The following ANKRD31 variants were observed in gnomAD, a reference collection of about 807,000 sequenced individuals.
ANKRD31 encodes ankyrin repeat domain 31.
ANKRD31 carries 147 observed loss-of-function variants against 186.0 expected under a neutral mutation model. The observed-to-expected ratio is 0.79, with a 90% confidence interval of 0.69 to 0.91. The LOEUF (loss-of-function observed/expected upper bound fraction) is 0.91, where lower values mean the gene tolerates loss of function less well. Among genes scored for constraint, ANKRD31 ranks in the 40% least tolerant of loss-of-function variants. The probability of loss-of-function intolerance (pLI) is 0.00; values close to 1 mark genes in which losing one functional copy is unlikely to be tolerated. For synonymous variants in ANKRD31, 673 were observed against 736.4 expected, an observed-to-expected ratio of 0.91 and a Z score of 1.39; for missense variants, 1,986 against 2,148.8, an observed-to-expected ratio of 0.92 and a Z score of 1.50.
At position 75,138,047 on chromosome 5, in the gene ANKRD31, A is replaced by C. The variant is rs143056868; in HGVS notation, c.3734-49T>G. 4 of 1,391,056 alleles carry C rather than the reference A, an allele frequency of 2.9e-6. No individual in the cohort carries two copies. The Admixed American group carries it at 9.2e-5, about 32-fold the overall frequency. The allele number at this position is 1,391,056 out of a possible 1,614,324, so 86.2% of individuals were successfully genotyped here. On this transcript the variant is annotated intron_variant, in intron 16 of 25. Transcript: ENST00000506364. ...AAAACCCTGCTTCATGCGAATCAAT[A>C]CTCATGTAATATCTGTATTACTAAG... is the stretch of plus-strand genomic sequence containing the variant.
intron 7 of ANKRD31, 61 bp from the exon 8 acceptor site, chr5:75,193,652 A>G: frequency 1.4e-6 from 2 of 1,444,722 alleles, no homozygotes; most frequent in Admixed American, 2.5e-5. Flanking sequence ...TAAAACTATA[A>G]GAAGTTAAAT....
At chr5:75,105,854 C>T (rs969886049) in intron 21 of ANKRD31, among the ~76,000 whole-genome samples, 2 of 152,160 alleles carry the variant, frequency 1.3e-5, no homozygotes, top group African/African-American at 2.4e-5. Flanking sequence ...CTTCCCCAAA[C>T]TGAATTTCTC....
At chr5:75,225,839 G>A (rs1310719193) in intron 2 of ANKRD31, among the ~76,000 whole-genome samples, 3 of 152,178 alleles carry the variant, frequency 2.0e-5, no homozygotes, top group Non-Finnish European at 4.4e-5. Context: ...GCCACAATGG[G>A]TAGAGCACCA....
chr5:75,234,870 A>T (rs1470534457), intron 1 of ANKRD31, among the ~76,000 whole-genome samples: 1 of 151,606 alleles, frequency 6.6e-6, no homozygotes, highest in East Asian at 1.9e-4. Flanking sequence ...TTCATATGGA[A>T]TTTTTTTGGA....
chr5:75,192,730 G>C lies in ANKRD31; in HGVS notation c.1345C>G (p.His449Asp). 1 of 1,535,386 alleles carries C rather than the reference G, an allele frequency of 6.5e-7. No individual in the cohort carries two copies. Among genetic ancestry groups the C allele is most frequent in the East Asian group, 2.5e-5 (1 of 40,806 alleles). ...TTTCCATTCTTGAACCTTGCTGAAT[G>C]CATATTCTTCTCTTTACCATCAATC... ...LMIDGKEKNM[H>D]SARFKNGKQI... Residue 449 changes from histidine to aspartate, a missense_variant, in exon 9 of 26, where the codon CAT (histidine) becomes GAT (aspartate). His to Asp is a moderately conservative substitution (Grantham distance 81, BLOSUM62 -1). Coordinates refer to ENST00000506364, the MANE Select transcript of ANKRD31 (RefSeq NM_001372053.1).
rs574879178 is a variant in ANKRD31 at position 75,220,056 on chromosome 5, A to G, written c.288+2193T>C. ...GAAACCCTGAAAGATAACCTAGGAA[A>G]TACCATTTTGGACATGGAAACTGGC... On this transcript the variant is annotated intron_variant, in intron 3 of 25. Transcript: ENST00000506364. Among the ~76,000 whole-genome samples, 15 of 152,314 alleles carry G rather than the reference A, an allele frequency of 9.8e-5. No individual in the cohort carries two copies. In the South Asian group the frequency reaches 1.5e-3, roughly 15 times the overall value.
intron 25 of ANKRD31, among the ~76,000 whole-genome samples, chr5:75,070,282 C>A (rs1270508894): frequency 2.6e-5 from 4 of 152,126 alleles, no homozygotes; most frequent in Non-Finnish European, 4.4e-5. Context: ...AATTTAAATT[C>A]TTTTCATCAA....
At chr5:75,188,058 T>C (rs1169987280) in intron 10 of ANKRD31, among the ~76,000 whole-genome samples, 2 of 152,276 alleles carry the variant, frequency 1.3e-5, no homozygotes, top group South Asian at 2.1e-4. Flanking sequence ...TACTTCATAC[T>C]GTATTTTTTC....
At chr5:75,103,339 T>G (rs1474580493) in intron 22 of ANKRD31, among the ~76,000 whole-genome samples, 1 of 152,122 alleles carries the variant, frequency 6.6e-6, no homozygotes, top group Non-Finnish European at 1.5e-5. Flanking sequence ...TATTAAAAAG[T>G]CAAGAAACAA....
chr5:75,090,088 G>A (rs1580302362), intron 23 of ANKRD31, among the ~76,000 whole-genome samples: 2 of 152,198 alleles, frequency 1.3e-5, no homozygotes, highest in African/African-American at 4.8e-5. Flanking sequence ...CAGCAAAACA[G>A]TATAATCTAT....
chr5:75,233,713 C>T (rs933915636), intron 1 of ANKRD31, among the ~76,000 whole-genome samples: 2 of 151,884 alleles, frequency 1.3e-5, no homozygotes, highest in African/African-American at 2.4e-5. Flanking sequence ...GTCAGGAGTT[C>T]GAGACCAGCC....
chr5:75,113,416 T>A (rs1483350653), intron 19 of ANKRD31, among the ~76,000 whole-genome samples: 1 of 152,244 alleles, frequency 6.6e-6, no homozygotes, highest in African/African-American at 2.4e-5. Context: ...AATTCGGTGC[T>A]ACATAATTTA....
chr5:75,150,337 T>A (rs1374674423), intron 12 of ANKRD31, among the ~76,000 whole-genome samples: 1 of 151,984 alleles, frequency 6.6e-6, no homozygotes, highest in Non-Finnish European at 1.5e-5. Flanking sequence ...TTATTCATCA[T>A]TCCCATACTT....
At chr5:75,201,613 C>T (rs1280746299) in intron 5 of ANKRD31, among the ~76,000 whole-genome samples, 1 of 152,136 alleles carries the variant, frequency 6.6e-6, no homozygotes, top group Non-Finnish European at 1.5e-5. Context: ...ACAACTTCAT[C>T]TTCAAAACTA....
At chr5:75,122,608 G>T (rs115752665) in intron 17 of ANKRD31, among the ~76,000 whole-genome samples, 6,775 of 152,162 alleles carry the variant, frequency 0.045, 354 homozygotes, top group African/African-American at 0.12. Flanking sequence ...GTATTCCAGG[G>T]ATGCAAGGAT....
intron 22 of ANKRD31, 28 bp from the exon 23 acceptor site, chr5:75,091,429 A>C (rs750502100): frequency 2.0e-6 from 3 of 1,519,484 alleles, no homozygotes; most frequent in South Asian, 1.2e-5. Context: ...ACAGAAATTA[A>C]GGTCAAAAAT....
chr5:75,135,134 C>A (rs909972758), intron 17 of ANKRD31, among the ~76,000 whole-genome samples: 4 of 152,198 alleles, frequency 2.6e-5, no homozygotes, highest in African/African-American at 9.6e-5. Flanking sequence ...TCTCACCACT[C>A]CTATTCAACA....
chr5:75,105,366 T>A, intron 21 of ANKRD31, 148 bp from the exon 22 acceptor site: 3 of 857,056 alleles, frequency 3.5e-6, no homozygotes, highest in Non-Finnish European at 4.8e-6. Context: ...TGCCTTTGAT[T>A]TTTTTAATCT....
At chr5:75,100,103 A>C (rs183676010) in intron 22 of ANKRD31, among the ~76,000 whole-genome samples, 259 of 152,266 alleles carry the variant, frequency 1.7e-3, no homozygotes, top group African/African-American at 5.9e-3. Flanking sequence ...AATGTGTCCC[A>C]GAGTTTCTGG....
Sources: gnomAD v4.1 joint callset for allele counts (sites outside exome capture counted in the v4.1 genomes callset) on GRCh38, gnomAD v4.1.1 for gene constraint, MANE v1.5 for transcripts, NCBI Gene and HGNC (gene_info 2026-07-23, HGNC 2026-07-21) for gene names.